Variants in MARCHF8 observed in about 807,000 individuals in gnomAD.
MARCHF8 encodes the protein membrane associated ring-CH-type finger 8.
A neutral mutation model predicts 51.6 loss-of-function variants in MARCHF8; 40 were observed. The ratio of observed to expected loss-of-function variants is 0.77; its 90% CI spans 0.60 to 1.01. The LOEUF (loss-of-function observed/expected upper bound fraction) is 1.01. Ranked by LOEUF, MARCHF8 falls within the 50% of genes least tolerant of loss-of-function variation. The pLI, the probability that MARCHF8 is intolerant of heterozygous loss-of-function variation, is 0.00. For missense variants in MARCHF8, 685 were observed against 708.6 expected, an observed-to-expected ratio of 0.97 and a Z score of 0.38; for synonymous variants, 263 against 280.3, an observed-to-expected ratio of 0.94 and a Z score of 0.62.
chr10:45,457,892 G>GT lies in MARCHF8; in HGVS notation c.*346dup. The GT allele has an allele frequency of 8.1e-6, 2 of 246,476 alleles. No individual in the cohort carries two copies. The highest frequency in any genetic ancestry group is 1.5e-5 in the Non-Finnish European group (2 of 130,538). The allele number at this position is 246,476 out of a possible 1,614,324, so 15.3% of individuals were successfully genotyped here. On this transcript the variant is annotated 3_prime_UTR_variant, in exon 8 of 8. Transcript: ENST00000453424. ...ACCACTGCAAGCTGGAGGCGGCTGG[G>GT]TATCAGGGCCTGGGCACCCCTGCTC...
chr10:45,486,507 T>C (rs1198777652), intron 3 of MARCHF8, among the ~76,000 whole-genome samples: 2 of 152,102 alleles, frequency 1.3e-5, no homozygotes, highest in African/African-American at 4.8e-5. Context: ...GAGGTTGCAG[T>C]GAGCCAAGAT....
intron 2 of MARCHF8, among the ~76,000 whole-genome samples, chr10:45,499,374 T>A (rs916085207): frequency 1.3e-5 from 2 of 152,204 alleles, no homozygotes; most frequent in Non-Finnish European, 2.9e-5. Context: ...ATATCTCCCA[T>A]TCCCTAAGTG....
chr10:45,462,839 T>C (rs1842835362), intron 5 of MARCHF8, among the ~76,000 whole-genome samples: 2 of 152,134 alleles, frequency 1.3e-5, no homozygotes, highest in Admixed American at 6.5e-5. Context: ...TTGGCCAAGC[T>C]GGTCTCAAAC....
intron 1 of MARCHF8, chr10:45,553,034 G>C (rs1252518465): frequency 1.3e-5 from 2 of 152,050 alleles, no homozygotes; most frequent in Non-Finnish European, 2.9e-5. Context: ...GACAAATTGA[G>C]TATATATAAA....
rs749386961 is a variant in MARCHF8, at chr10:45,458,540, A to G, written c.1421T>C (p.Ile474Thr). ...TTTAGTCCAAAAGGGCCATTCTAGGATTCCTGGAAGGGAAAAACTCAGCCT... is the reference window on the plus strand; with the variant it reads ...TTTAGTCCAAAAGGGCCATTCTAGGGTTCCTGGAAGGGAAAAACTCAGCCT... ...EEIKQGQATG[I>T]LEWPFWTKLV... Residue 474 changes from isoleucine to threonine, a missense_variant, in exon 8 of 8, where the codon ATC becomes ACC. Transcript: ENST00000453424. 3.8e-6 allele frequency: 6 copies of G among 1,578,396 alleles called. No homozygotes were observed. In the East Asian group the frequency reaches 1.3e-4, roughly 36 times the overall value.
chr10:45,496,778 T>A (rs554538025), intron 2 of MARCHF8, among the ~76,000 whole-genome samples: 10 of 151,942 alleles, frequency 6.6e-5, no homozygotes, highest in Admixed American at 1.3e-4. Context: ...GAAAAATATA[T>A]ATATATATAG....
At chr10:45,540,516 T>G (rs954685167) in intron 1 of MARCHF8, among the ~76,000 whole-genome samples, 1 of 152,202 alleles carries the variant, frequency 6.6e-6, no homozygotes, top group Non-Finnish European at 1.5e-5. Context: ...GGGCAAGGAC[T>G]TCATGTCTAA....
At chr10:45,532,189 T>C (rs1431308889) in intron 2 of MARCHF8, among the ~76,000 whole-genome samples, 1 of 152,210 alleles carries the variant, frequency 6.6e-6, no homozygotes, top group African/African-American at 2.4e-5. Flanking sequence ...AAATAATTGA[T>C]TAATGCTATT....
chr10:45,537,835 A>G (rs1395940310), upstream of MARCHF8, among the ~76,000 whole-genome samples: 1 of 152,172 alleles, frequency 6.6e-6, no homozygotes, highest in Admixed American at 6.5e-5. Context: ...AGTGGATTCA[A>G]TGATTTATTT....
intron 3 of MARCHF8, among the ~76,000 whole-genome samples, chr10:45,476,337 G>C (rs980119973): frequency 2.0e-5 from 3 of 152,358 alleles, no homozygotes; most frequent in African/African-American, 7.2e-5. Context: ...CCCCAGGCAT[G>C]AGGATTGCTT....
chr10:45,519,700 T>C (rs2043675886), intron 2 of MARCHF8, among the ~76,000 whole-genome samples: 1 of 152,228 alleles, frequency 6.6e-6, no homozygotes, highest in African/African-American at 2.4e-5. Flanking sequence ...AAACCGTTTT[T>C]AGCTGGCAAG....
At chr10:45,551,939 T>TATA (rs2044200269) in intron 1 of MARCHF8, among the ~76,000 whole-genome samples, 1 of 152,140 alleles carries the variant, frequency 6.6e-6, no homozygotes, top group African/African-American at 2.4e-5. Flanking sequence ...GTTTAGATCA[T>TATA]TCCTTGCAGG....
In MARCHF8 at chr10:45,463,350, C is replaced by A; in HGVS notation, c.889G>T (p.Ala297Ser). ...LHTAKSSSGLAGSMGFCSDEM... is the reference protein window; with the variant it reads ...LHTAKSSSGLSGSMGFCSDEM... ...TCAGAGCAGAAGCCCATACTCCCTG[C>A]CAGCCCGCTGGAGGACTTGGCAGTG... Residue 297 changes from alanine to serine, a missense_variant, in exon 5 of 8, where the codon GCA becomes TCA. Ala to Ser is a moderately conservative substitution (Grantham distance 99, BLOSUM62 1). Transcript: ENST00000453424. 6.4e-7 allele frequency: 1 copy of A among 1,550,872 alleles called. No homozygotes were observed. Among genetic ancestry groups the A allele is most frequent in the Non-Finnish European group, 8.7e-7 (1 of 1,147,056 alleles).
At chr10:45,576,007 C>T (rs1397299088) in intron 1 of MARCHF8, among the ~76,000 whole-genome samples, 1 of 152,176 alleles carries the variant, frequency 6.6e-6, no homozygotes, top group Non-Finnish European at 1.5e-5. Flanking sequence ...GGACTCAGAC[C>T]GCCTGCACCC....
chr10:45,557,200 T>C (rs2044261884), intron 1 of MARCHF8, among the ~76,000 whole-genome samples: 1 of 139,592 alleles, frequency 7.2e-6, no homozygotes, highest in Non-Finnish European at 1.5e-5. Context: ...CAATCTCGGC[T>C]CACTGCAACC....
intron 3 of MARCHF8, among the ~76,000 whole-genome samples, chr10:45,488,715 G>A (rs1187713960): frequency 1.3e-5 from 2 of 152,170 alleles, no homozygotes; most frequent in African/African-American, 2.4e-5. Context: ...ACTCTAGACT[G>A]AGCAGCTGAC....
chr10:45,579,324 G>A (rs2044526418), intron 1 of MARCHF8, among the ~76,000 whole-genome samples: 1 of 150,302 alleles, frequency 6.7e-6, no homozygotes, highest in African/African-American at 2.4e-5. Context: ...TTTTCTGTAA[G>A]TTACACATAA....
chr10:45,489,093 C>T (rs1343138651), intron 3 of MARCHF8, among the ~76,000 whole-genome samples: 1 of 152,136 alleles, frequency 6.6e-6, no homozygotes, highest in African/African-American at 2.4e-5. Flanking sequence ...AACAGACTCT[C>T]CTGTGCCTGA....
At chr10:45,503,460 C>T (rs549276520) in intron 2 of MARCHF8, among the ~76,000 whole-genome samples, 46 of 151,872 alleles carry the variant, frequency 3.0e-4, no homozygotes, top group African/African-American at 9.4e-4. Context: ...TGCTTGAGCC[C>T]GGGAGGCAGA....
Sources: gnomAD v4.1 joint callset for allele counts (sites outside exome capture counted in the v4.1 genomes callset) on GRCh38, gnomAD v4.1.1 for gene constraint, MANE v1.5 for transcripts, NCBI Gene and HGNC (gene_info 2026-07-23, HGNC 2026-07-21) for gene names.